EPB41: variants seen among roughly 807,000 people sequenced by gnomAD.
EPB41 encodes protein 4.1.
Under a neutral mutation model 108.0 loss-of-function variants are expected in EPB41, and 65 were observed. The observed-to-expected ratio is 0.60, with a 90% CI of 0.49 to 0.74. The LOEUF is 0.74. EPB41 is among the 30% of genes least tolerant of loss of function. EPB41 has a pLI of 0.00. For synonymous variants in EPB41, 336 were observed against 358.9 expected (o/e 0.94, Z 0.72); for missense variants, 875 against 1,037.0 (o/e 0.84, Z 2.15).
intron 3 of EPB41, among the ~76,000 whole-genome samples, chr1:28,994,545 T>C (rs189041048): frequency 1.3e-5 from 2 of 152,332 alleles, no homozygotes; most frequent in East Asian, 1.9e-4. Context: ...TTTATTATGA[T>C]ATGCTTGATA....
intron 1 of EPB41, among the ~76,000 whole-genome samples, chr1:28,915,508 A>G (rs889229407): frequency 6.6e-6 from 1 of 151,920 alleles, no homozygotes; most frequent in African/African-American, 2.4e-5. Flanking sequence ...AAAACAGGTC[A>G]TGCTCCCCAA....
chr1:29,083,201 A>G (rs1398574368), intron 16 of EPB41, among the ~76,000 whole-genome samples: 1 of 152,072 alleles, frequency 6.6e-6, no homozygotes, highest in East Asian at 1.9e-4. Context: ...GAGAGAGGGT[A>G]CATCCAAGAG....
At chr1:29,067,264 G>A (rs1648539116) in intron 16 of EPB41, among the ~76,000 whole-genome samples, 5 of 151,726 alleles carry the variant, frequency 3.3e-5, no homozygotes, top group South Asian at 2.1e-4. Context: ...TTGGGAGGCC[G>A]AGGCGGGTGG....
At chr1:29,095,218 A>G (rs1662782864) in intron 16 of EPB41, among the ~76,000 whole-genome samples, 1 of 152,100 alleles carries the variant, frequency 6.6e-6, no homozygotes, top group African/African-American at 2.4e-5. Flanking sequence ...GTGTTTCCGG[A>G]ATTTATTTCT....
Position 29,081,430 on chromosome 1 carries a change from A to C in EPB41, c.2184+16272A>C, listed in dbSNP as rs1656560364. On this transcript the variant is annotated intron_variant, in intron 16 of 20. Coordinates refer to ENST00000343067, the MANE Select transcript of EPB41 (RefSeq NM_001376013.1). Reference sequence around the variant, plus strand: ...GGGTGTGAGGAGAGCTTGTTCCTGTAATGTGAAATCGACAGAAGGTATATC... The same window carrying C: ...GGGTGTGAGGAGAGCTTGTTCCTGTCATGTGAAATCGACAGAAGGTATATC... 3.3e-5 allele frequency among the ~76,000 whole-genome samples: 5 copies of C among 152,284 alleles called. No homozygotes were observed. In the South Asian group the frequency reaches 1.0e-3, roughly 32 times the overall value.
At chr1:29,113,804 T>C (rs1669999136) in intron 19 of EPB41, among the ~76,000 whole-genome samples, 1 of 152,146 alleles carries the variant, frequency 6.6e-6, no homozygotes, top group Admixed American at 6.6e-5. Context: ...CCCTCAGGTT[T>C]TCTAGTTACT....
intron 1 of EPB41, among the ~76,000 whole-genome samples, chr1:28,980,904 C>G (rs372918397): frequency 2.0e-5 from 3 of 150,188 alleles, no homozygotes; most frequent in Non-Finnish European, 2.9e-5. Flanking sequence ...TCCCGAGTAG[C>G]GGGGATTACA....
chr1:28,973,912 A>G (rs960106206), intron 1 of EPB41, among the ~76,000 whole-genome samples: 4 of 152,206 alleles, frequency 2.6e-5, no homozygotes, highest in Non-Finnish European at 5.9e-5. Context: ...CTTTATTTAG[A>G]TGAAAACTAT....
intron 1 of EPB41, among the ~76,000 whole-genome samples, chr1:28,960,202 C>A (rs749908252): frequency 6.6e-6 from 1 of 151,176 alleles, no homozygotes; most frequent in African/African-American, 2.4e-5. Context: ...AGAGGTGGGG[C>A]GTCTCATCAT....
At chr1:29,038,521 G>A (rs75438019) in intron 10 of EPB41, among the ~76,000 whole-genome samples, 9,307 of 152,166 alleles carry the variant, frequency 0.061, 392 homozygotes, top group Admixed American at 0.13. Flanking sequence ...TCTCTTTTTG[G>A]TAGTATTTGA....
intron 1 of EPB41, among the ~76,000 whole-genome samples, chr1:28,929,229 T>A (rs2093605662): frequency 1.3e-5 from 2 of 150,848 alleles, no homozygotes; most frequent in African/African-American, 4.9e-5. Context: ...TAATTTTTAC[T>A]ATTTTTTTTT....
intron 4 of EPB41, among the ~76,000 whole-genome samples, chr1:29,008,051 G>C (rs966508358): frequency 6.6e-6 from 1 of 152,060 alleles, no homozygotes; most frequent in African/African-American, 2.4e-5. Context: ...TCATTCAATT[G>C]TTGATGTACA....
intron 1 of EPB41, among the ~76,000 whole-genome samples, chr1:28,934,631 G>T (rs2093904693): frequency 6.8e-6 from 1 of 146,370 alleles, no homozygotes; most frequent in African/African-American, 2.6e-5. Context: ...TTGGCCATCA[G>T]GTGCTCTTTT....
chr1:28,983,560 G>A (rs1054706013), intron 1 of EPB41, among the ~76,000 whole-genome samples: 22 of 152,156 alleles, frequency 1.4e-4, no homozygotes, highest in African/African-American at 1.9e-4. Context: ...TGTGACAGGC[G>A]TACCTTGTTT....
intron 1 of EPB41, among the ~76,000 whole-genome samples, chr1:28,956,482 C>T (rs2094954880): frequency 2.0e-5 from 3 of 152,190 alleles, no homozygotes; most frequent in African/African-American, 7.2e-5. Context: ...TACTGTAGGT[C>T]TCCAAGAACA....
chr1:28,913,076 G>A (rs1198447836), upstream of EPB41, among the ~76,000 whole-genome samples: 1 of 152,116 alleles, frequency 6.6e-6, no homozygotes, highest in Admixed American at 6.6e-5. Context: ...CTGTGCTTGA[G>A]CAATCCTCCC....
At chr1:29,055,687 C>T (rs921968418) in intron 12 of EPB41, among the ~76,000 whole-genome samples, 5 of 151,518 alleles carry the variant, frequency 3.3e-5, no homozygotes, top group African/African-American at 9.7e-5. Flanking sequence ...CGGTGGCTCA[C>T]GCCCGTAATC....
rs570023371 is a variant in EPB41 at position 29,084,542 on chromosome 1, T to C, written c.2185-13265T>C. ...GTAAAGTGACTGCAGAGGTATATGCTAAATCTCAGACTCTCATTTTGAGGA... is the reference window on the plus strand; with the variant it reads ...GTAAAGTGACTGCAGAGGTATATGCCAAATCTCAGACTCTCATTTTGAGGA... On this transcript the variant is annotated intron_variant, in intron 16 of 20. Coordinates refer to ENST00000343067, the MANE Select transcript of EPB41 (RefSeq NM_001376013.1). Among the ~76,000 whole-genome samples the C allele has an allele frequency of 7.2e-4, 109 of 152,344 alleles. 1 individual carries two copies. Among genetic ancestry groups the C allele is most frequent in the African/African-American group, 2.5e-3 (104 of 41,592 alleles).
At chr1:28,992,566 G>A (rs2096053760) in intron 2 of EPB41, among the ~76,000 whole-genome samples, 1 of 152,188 alleles carries the variant, frequency 6.6e-6, no homozygotes, top group Non-Finnish European at 1.5e-5. Flanking sequence ...GCGGGCGCCT[G>A]TAGTCCCAGC....
Sources: gnomAD v4.1 joint callset for allele counts (sites outside exome capture counted in the v4.1 genomes callset) on GRCh38, gnomAD v4.1.1 for gene constraint, MANE v1.5 for transcripts, NCBI Gene and HGNC (gene_info 2026-07-23, HGNC 2026-07-21) for gene names.